SLC24A2: variants seen among roughly 807,000 people sequenced by gnomAD.
SLC24A2 encodes sodium/potassium/calcium exchanger 2.
SLC24A2 carries 36 observed loss-of-function variants against 62.0 expected under a neutral mutation model. The ratio of observed to expected loss-of-function variants is 0.58; its 90% CI spans 0.44 to 0.77. SLC24A2 has a LOEUF of 0.77. Among genes scored for constraint, SLC24A2 ranks in the 30% least tolerant of loss-of-function variants. The pLI is 0.00. For synonymous variants in SLC24A2, 358 were observed against 294.0 expected (o/e 1.22, Z -2.23); for missense variants, 846 against 817.9 (o/e 1.03, Z -0.42).
the SLC24A2 span, among the ~76,000 whole-genome samples, chr9:20,201,588 T>C: frequency 6.6e-6 from 1 of 152,224 alleles, no homozygotes; most frequent in South Asian, 2.1e-4. Context: ...AGAATAGGTA[T>C]AGAAATGAAA....
chr9:19,991,682 A>T, the SLC24A2 span, among the ~76,000 whole-genome samples: 2 of 152,220 alleles, frequency 1.3e-5, no homozygotes, highest in Admixed American at 6.5e-5. Context: ...CCTAAGAATT[A>T]GTCTGTGGTA....
At chr9:19,787,326 G>A (rs1166786313) in intron 1 of SLC24A2, among the ~76,000 whole-genome samples, 1 of 152,212 alleles carries the variant, frequency 6.6e-6, no homozygotes, top group Non-Finnish European at 1.5e-5. Flanking sequence ...GAAGGCAGAT[G>A]TAAGAATAAA....
intron 2 of SLC24A2, among the ~76,000 whole-genome samples, chr9:19,730,274 A>G (rs987910686): frequency 6.6e-6 from 1 of 152,200 alleles, no homozygotes; most frequent in Non-Finnish European, 1.5e-5. Flanking sequence ...GGCAATATGT[A>G]TCAAGATCAG....
At chr9:19,545,426 C>T (rs776477460) in intron 8 of SLC24A2, among the ~76,000 whole-genome samples, 4 of 152,050 alleles carry the variant, frequency 2.6e-5, no homozygotes, top group Non-Finnish European at 4.4e-5. Context: ...AAGCTTACTT[C>T]TGTCGAGTCA....
chr9:19,916,519 G>A, the SLC24A2 span, among the ~76,000 whole-genome samples: 1 of 151,966 alleles, frequency 6.6e-6, no homozygotes, highest in Admixed American at 6.6e-5. Flanking sequence ...ACATTTTGAA[G>A]CATTTCCTTC....
chr9:20,238,918 T>C, the SLC24A2 span, among the ~76,000 whole-genome samples: 2 of 152,200 alleles, frequency 1.3e-5, no homozygotes, highest in Non-Finnish European at 2.9e-5. Flanking sequence ...TATTCCTGTC[T>C]CTTCTTCCTC....
the SLC24A2 span, among the ~76,000 whole-genome samples, chr9:19,997,997 G>T: frequency 6.6e-6 from 1 of 151,686 alleles, no homozygotes; most frequent in Non-Finnish European, 1.5e-5. Flanking sequence ...ATATTTTTGG[G>T]AAAAAAGCCA....
intron 2 of SLC24A2, among the ~76,000 whole-genome samples, chr9:19,696,039 G>T (rs768269963): frequency 1.3e-5 from 2 of 152,138 alleles, no homozygotes; most frequent in Non-Finnish European, 2.9e-5. Context: ...GGTGGGCAAA[G>T]GGTGAGTGAG....
intron 2 of SLC24A2, among the ~76,000 whole-genome samples, chr9:19,628,263 G>T (rs772481214): frequency 1.6e-4 from 24 of 152,062 alleles, no homozygotes; most frequent in Non-Finnish European, 3.1e-4. Flanking sequence ...TTGTGTCACT[G>T]GCTAAATTAA....
intron 2 of SLC24A2, among the ~76,000 whole-genome samples, chr9:19,635,804 C>T (rs1818295841): frequency 6.6e-6 from 1 of 152,130 alleles, no homozygotes; most frequent in Non-Finnish European, 1.5e-5. Context: ...TTAAAGTAAA[C>T]TGCAGATGCC....
chr9:20,100,362 C>G, the SLC24A2 span, among the ~76,000 whole-genome samples: 2 of 152,166 alleles, frequency 1.3e-5, no homozygotes, highest in African/African-American at 2.4e-5. Flanking sequence ...TGCCTGGCCT[C>G]CTACTCACCT....
the SLC24A2 span, among the ~76,000 whole-genome samples, chr9:20,304,459 T>C: frequency 1.3e-5 from 2 of 152,158 alleles, no homozygotes; most frequent in African/African-American, 2.4e-5. Context: ...ATAGAGATAA[T>C]TTTCTGTTTA....
chr9:20,044,364 C>G, the SLC24A2 span, among the ~76,000 whole-genome samples: 5 of 152,160 alleles, frequency 3.3e-5, no homozygotes, highest in Non-Finnish European at 7.3e-5. Flanking sequence ...TCACAAAAGA[C>G]AGAACCTACC....
At chr9:19,655,617 G>A (rs1175524515) in intron 2 of SLC24A2, among the ~76,000 whole-genome samples, 1 of 152,116 alleles carries the variant, frequency 6.6e-6, no homozygotes, top group Admixed American at 6.5e-5. Flanking sequence ...TGATGAGGCT[G>A]GATAAATAAG....
the SLC24A2 span, among the ~76,000 whole-genome samples, chr9:20,158,575 T>C: frequency 6.8e-4 from 103 of 151,794 alleles, 2 homozygotes; most frequent in South Asian, 0.02. Flanking sequence ...CAATAAGAAA[T>C]ACAATTCTGT....
At chr9:20,167,938 C>G in the SLC24A2 span, among the ~76,000 whole-genome samples, 6 of 151,668 alleles carry the variant, frequency 4.0e-5, no homozygotes, top group East Asian at 1.2e-3. Flanking sequence ...TTACCTCTCC[C>G]TCTTGCTGTT....
chr9:19,940,685 G>A, the SLC24A2 span, among the ~76,000 whole-genome samples: 6 of 152,170 alleles, frequency 3.9e-5, no homozygotes, highest in South Asian at 4.1e-4. Flanking sequence ...TGCTGACAAA[G>A]GGCCATTTGT....
chr9:19,788,396 C>A (rs970657534), intron 1 of SLC24A2: 2 of 595,790 alleles, frequency 3.4e-6, no homozygotes, highest in Non-Finnish European at 2.1e-6. Flanking sequence ...CCCTGAAAAC[C>A]CACCGCTCGT....
intron 8 of SLC24A2, among the ~76,000 whole-genome samples, chr9:19,533,016 A>G (rs1024735209): frequency 2.0e-5 from 3 of 152,208 alleles, no homozygotes; most frequent in African/African-American, 7.2e-5. Context: ...AAACAAAGCC[A>G]TTAATAAAAC....
Sources: allele counts gnomAD v4.1 joint callset (sites outside exome capture counted in the v4.1 genomes callset), GRCh38; gene constraint gnomAD v4.1.1; transcripts MANE v1.5; gene names NCBI Gene and HGNC (gene_info 2026-07-23, HGNC 2026-07-21).